VRK1: variants seen among roughly 807,000 people sequenced by gnomAD.
VRK1 encodes the protein VRK serine/threonine kinase 1.
In VRK1, 33 loss-of-function variants were observed where a neutral mutation model predicts 57.1. The ratio of observed to expected loss-of-function variants is 0.58; its 90% CI spans 0.44 to 0.77. The LOEUF is 0.77. Among genes scored for constraint, VRK1 ranks in the 30% least tolerant of loss-of-function variants. The pLI, the probability that VRK1 is intolerant of heterozygous loss-of-function variation, is 0.00. For missense variants in VRK1, 413 were observed against 477.3 expected, an observed-to-expected ratio of 0.87 and a Z score of 1.25; for synonymous variants, 137 against 147.8, an observed-to-expected ratio of 0.93 and a Z score of 0.53.
intron 11 of VRK1, among the ~76,000 whole-genome samples, chr14:96,862,353 T>C (rs1423440037): frequency 2.0e-5 from 3 of 152,196 alleles, no homozygotes; most frequent in African/African-American, 7.2e-5. Flanking sequence ...AGTTGAACTA[T>C]TAGGAGATTT....
intron 3 of VRK1, among the ~76,000 whole-genome samples, chr14:96,838,756 G>C (rs1461015588): frequency 6.6e-6 from 1 of 152,098 alleles, no homozygotes; most frequent in East Asian, 1.9e-4. Context: ...ATATCAACCA[G>C]AACTCAGGAA....
intron 1 of VRK1, among the ~76,000 whole-genome samples, chr14:96,807,026 C>T (rs944092738): frequency 6.6e-6 from 1 of 152,188 alleles, no homozygotes; most frequent in Non-Finnish European, 1.5e-5. Flanking sequence ...GAAATGCCTC[C>T]AACGACAGAG....
In VRK1 at chr14:96,869,811, T is replaced by C. The variant is rs550630108; in HGVS notation, c.1069-6219T>C. Among the ~76,000 whole-genome samples the C allele has an allele frequency of 6.6e-5, 10 of 152,222 alleles. No homozygotes were observed. In the East Asian group the frequency reaches 1.4e-3, roughly 21 times the overall value. On this transcript the variant is annotated intron_variant, in intron 11 of 12. Coordinates refer to ENST00000216639, the MANE Select transcript of VRK1 (RefSeq NM_003384.3). ...GCCTGCGTGTTTAGGAATTAGGTGT[T>C]TTGTGGACATAAGTTTATTGAGGGA... is the stretch of plus-strand genomic sequence containing the variant.
At chr14:96,840,946 C>T (rs1441826016) in intron 3 of VRK1, among the ~76,000 whole-genome samples, 1 of 151,258 alleles carries the variant, frequency 6.6e-6, no homozygotes, top group Admixed American at 6.6e-5. Context: ...GCCTTGATCT[C>T]CTGGGTTCAA....
chr14:96,807,545 C>T (rs1316927692), intron 1 of VRK1, among the ~76,000 whole-genome samples: 2 of 152,116 alleles, frequency 1.3e-5, no homozygotes, highest in Non-Finnish European at 2.9e-5. Flanking sequence ...AGAGTTGTAT[C>T]TCTTGTTCTA....
intron 5 of VRK1, among the ~76,000 whole-genome samples, chr14:96,849,294 T>C (rs1465189592): frequency 6.6e-6 from 1 of 152,128 alleles, no homozygotes; most frequent in African/African-American, 2.4e-5. Context: ...GACTGTGTGC[T>C]CCAGTATACA....
chr14:96,800,233 A>T (rs1374363325), intron 1 of VRK1, among the ~76,000 whole-genome samples: 1 of 151,940 alleles, frequency 6.6e-6, no homozygotes, highest in Non-Finnish European at 1.5e-5. Flanking sequence ...TGTCCTTTGA[A>T]TTTTTTCCCT....
intron 3 of VRK1, among the ~76,000 whole-genome samples, chr14:96,845,127 T>G (rs1887628927): frequency 6.6e-6 from 1 of 152,184 alleles, no homozygotes; most frequent in Non-Finnish European, 1.5e-5. Context: ...AATTTTTTTC[T>G]CATACCTCCT....
At chr14:96,832,667 T>C (rs1376792030) in intron 1 of VRK1, among the ~76,000 whole-genome samples, 7 of 152,306 alleles carry the variant, frequency 4.6e-5, no homozygotes, top group East Asian at 3.9e-4. Context: ...GTTAAACTTA[T>C]GTGTCAGTGA....
At chr14:96,864,093 G>C (rs1389071682) in intron 11 of VRK1, among the ~76,000 whole-genome samples, 1 of 152,110 alleles carries the variant, frequency 6.6e-6, no homozygotes, top group Non-Finnish European at 1.5e-5. Flanking sequence ...GTACATTCCT[G>C]TTTTCTAATG....
At chr14:96,879,557 A>G (rs1380200585) in intron 12 of VRK1, among the ~76,000 whole-genome samples, 3 of 152,168 alleles carry the variant, frequency 2.0e-5, no homozygotes, top group Non-Finnish European at 4.4e-5. Context: ...TTGATTATTG[A>G]CCTTGATTTT....
At chr14:96,878,493 G>A (rs76714333) in intron 12 of VRK1, among the ~76,000 whole-genome samples, 7,006 of 152,118 alleles carry the variant, frequency 0.046, 182 homozygotes, top group Non-Finnish European at 0.061. Flanking sequence ...GAGATTTTTC[G>A]CACTGTGTGA....
intron 11 of VRK1, among the ~76,000 whole-genome samples, chr14:96,866,899 T>G (rs1486068456): frequency 6.6e-6 from 1 of 152,224 alleles, no homozygotes; most frequent in African/African-American, 2.4e-5. Flanking sequence ...TTGTGAAGTC[T>G]TAACCTCCAA....
intron 10 of VRK1, among the ~76,000 whole-genome samples, chr14:96,858,537 T>A (rs1888258607): frequency 6.6e-6 from 1 of 152,244 alleles, no homozygotes; most frequent in Admixed American, 6.5e-5. Flanking sequence ...TGCATACAGA[T>A]GTATAGTCTA....
intron 1 of VRK1, among the ~76,000 whole-genome samples, chr14:96,806,805 C>G (rs796290257): frequency 5.9e-5 from 9 of 152,102 alleles, no homozygotes; most frequent in African/African-American, 2.2e-4. Flanking sequence ...CTCTCACTTC[C>G]CATCATTCCC....
intron 11 of VRK1, 55 bp from the exon 12 acceptor site, chr14:96,875,975 G>T: frequency 2.6e-6 from 4 of 1,563,554 alleles, no homozygotes; most frequent in Non-Finnish European, 3.5e-6. Context: ...TGATGAGTTT[G>T]TAGTTTACTT....
chr14:96,877,858 ATT>A (rs533990098), intron 12 of VRK1, among the ~76,000 whole-genome samples: 1 of 151,440 alleles, frequency 6.6e-6, no homozygotes, highest in Non-Finnish European at 1.5e-5. Flanking sequence ...ATAATTATGA[ATT>A]TTTTTTTAAC....
intron 1 of VRK1, among the ~76,000 whole-genome samples, chr14:96,833,007 C>T (rs904466790): frequency 3.9e-5 from 6 of 152,066 alleles, no homozygotes; most frequent in African/African-American, 7.2e-5. Flanking sequence ...TAGCATGTCC[C>T]GGGAACCTTT....
At chr14:96,855,667 C>G (rs1372256219) in intron 8 of VRK1, among the ~76,000 whole-genome samples, 3 of 152,098 alleles carry the variant, frequency 2.0e-5, no homozygotes, top group African/African-American at 7.2e-5. Context: ...TGTTTTTTCT[C>G]AAGTTTCTTA....
Sources: allele counts gnomAD v4.1 joint callset (sites outside exome capture counted in the v4.1 genomes callset), GRCh38; gene constraint gnomAD v4.1.1; transcripts MANE v1.5; gene names NCBI Gene and HGNC (gene_info 2026-07-23, HGNC 2026-07-21).